COL4A1: variants seen among roughly 807,000 people sequenced by gnomAD.
COL4A1 encodes the protein collagen alpha-1(IV) chain.
A neutral mutation model predicts 216.6 loss-of-function variants in COL4A1; 40 were observed. That is an observed-to-expected ratio of 0.18 (90% CI 0.14 to 0.24). The LOEUF is 0.24. Among genes scored for constraint, COL4A1 ranks in the 10% least tolerant of loss-of-function variants. COL4A1 has a pLI of 1.00. For synonymous variants in COL4A1, 839 were observed against 810.7 expected (o/e 1.03, Z -0.59); for missense variants, 1,628 against 2,196.8 (o/e 0.74, Z 5.18).
At chr13:110,255,211 T>TC (rs1882454434) in intron 1 of COL4A1, among the ~76,000 whole-genome samples, 1 of 152,202 alleles carries the variant, frequency 6.6e-6, no homozygotes, top group South Asian at 2.1e-4. Flanking sequence ...CCAAGTGTTT[T>TC]CCACCTCATT....
At position 110,222,540 on chromosome 13, in the gene COL4A1, G is replaced by A. The variant is rs371214031; in HGVS notation, c.145-8525C>T. ...TGTAATCCTAGCACTTTGGGAGGCC[G>A]AGGCGGGTGGATCACGAGGTCAGGA... On this transcript the variant is annotated intron_variant, in intron 2 of 51. Coordinates refer to ENST00000375820, the MANE Select transcript of COL4A1 (RefSeq NM_001845.6). Among the ~76,000 whole-genome samples the A allele has an allele frequency of 3.0e-4, 45 of 150,670 alleles. 1 individual carries two copies. The highest frequency in any genetic ancestry group is 8.7e-4 in the African/African-American group (36 of 41,368).
At chr13:110,256,855 G>C (rs1001542886) in intron 1 of COL4A1, among the ~76,000 whole-genome samples, 1 of 152,018 alleles carries the variant, frequency 6.6e-6, no homozygotes, top group African/African-American at 2.4e-5. Flanking sequence ...GCATTCTATT[G>C]ATTAATTTAA....
chr13:110,211,558 G>A lies in COL4A1; in HGVS notation c.468+89C>T, dbSNP rs1306952427. The A allele has an allele frequency of 2.8e-5, 36 of 1,264,208 alleles. No homozygotes were observed. In the Admixed American group the frequency reaches 7.2e-4, roughly 25 times the overall value. 78.3% of individuals were successfully genotyped at this position (1,264,208 alleles called of 1,614,324 possible). A position where few individuals can be genotyped will look rare whatever the true frequency, so the allele number is the denominator to read the frequency against. On this transcript the variant is annotated intron_variant, in intron 8 of 51. Coordinates refer to ENST00000375820, the MANE Select transcript of COL4A1 (RefSeq NM_001845.6). The surrounding 1 kb of genome is among the most constrained non-coding windows in gnomAD (Gnocchi z 4.3). Reference sequence around the variant, plus strand: ...GTTCAGAAACAATCGATCAGCCAAAGTGGTTTAAAGAGAATGTGCTTCTAT... The same window carrying A: ...GTTCAGAAACAATCGATCAGCCAAAATGGTTTAAAGAGAATGTGCTTCTAT...
intron 1 of COL4A1, among the ~76,000 whole-genome samples, chr13:110,302,494 TGC>T (rs1414887142): frequency 6.6e-6 from 1 of 152,106 alleles, no homozygotes; most frequent in Non-Finnish European, 1.5e-5. Context: ...GAGCTGCCCC[TGC>T]AGCTCACCCA....
intron 34 of COL4A1, 49 bp downstream of exon 34, chr13:110,176,836 A>G: frequency 6.2e-7 from 1 of 1,614,116 alleles, no homozygotes; most frequent in South Asian, 1.1e-5. Context: ...AACCCAGGAA[A>G]GGCACATTGT....
intron 50 of COL4A1, among the ~76,000 whole-genome samples, chr13:110,154,799 ATG>A (rs2138420276): frequency 1.1e-5 from 1 of 88,486 alleles, no homozygotes; most frequent in East Asian, 3.8e-4. Flanking sequence ...CTGCTCAAAG[ATG>A]GAAGCTGGTC....
At chr13:110,170,156 CAT>C (rs1243115837) in intron 42 of COL4A1, among the ~76,000 whole-genome samples, 1 of 138,794 alleles carries the variant, frequency 7.2e-6, no homozygotes, top group Non-Finnish European at 1.6e-5. Context: ...GAAGGACAGA[CAT>C]AGAAATGCCA....
intron 17 of COL4A1, among the ~76,000 whole-genome samples, chr13:110,204,189 A>AGGTGATGT (rs1879381662): frequency 6.6e-6 from 1 of 152,146 alleles, no homozygotes; most frequent in African/African-American, 2.4e-5. Context: ...CATATCAAAT[A>AGGTGATGT]TTTTTATATA....
intron 1 of COL4A1, among the ~76,000 whole-genome samples, chr13:110,243,317 G>A (rs1881646476): frequency 6.6e-6 from 1 of 151,978 alleles, no homozygotes; most frequent in Admixed American, 6.5e-5. Flanking sequence ...TATTCTTGTA[G>A]TTCACTTTTT....
At chr13:110,284,374 T>C (rs1883757082) in intron 1 of COL4A1, among the ~76,000 whole-genome samples, 1 of 152,174 alleles carries the variant, frequency 6.6e-6, no homozygotes, top group African/African-American at 2.4e-5. Context: ...GGTGTTGATT[T>C]TGGGGGCTGG....
intron 46 of COL4A1, 114 bp from the exon 47 acceptor site, chr13:110,163,675 C>T: frequency 9.9e-7 from 1 of 1,009,048 alleles, no homozygotes; most frequent in Non-Finnish European, 1.5e-6. Flanking sequence ...AGTCTCACTG[C>T]AGATGAGAAC....
rs1420796574 is a variant in COL4A1, at chr13:110,288,274, A to AT, written c.84+18669_84+18670insA. Reference sequence around the variant, plus strand: ...CGAAACTCCCTCTCAAAAAAAAAAAAAATAATAATAATAATAATAATAATT... The same window carrying AT: ...CGAAACTCCCTCTCAAAAAAAAAAAATAATAATAATAATAATAATAATAATT... On this transcript the variant is annotated intron_variant, in intron 1 of 51. Transcript: ENST00000375820. Among the ~76,000 whole-genome samples, 1,345 of 139,440 alleles carry AT rather than the reference A, an allele frequency of 9.6e-3. 16 individuals carry two copies. Among genetic ancestry groups the AT allele is most frequent in the African/African-American group, 0.032 (1,166 of 36,740 alleles). 91.5% of individuals were successfully genotyped at this position (139,440 alleles called of 152,430 possible).
chr13:110,200,322 G>A (rs1333105382), intron 20 of COL4A1, among the ~76,000 whole-genome samples: 2 of 152,210 alleles, frequency 1.3e-5, no homozygotes, highest in African/African-American at 2.4e-5. Context: ...AGGTTGGCAC[G>A]TCTGGAGTGA....
chr13:110,173,158 A>G (rs1422623612), intron 40 of COL4A1, among the ~76,000 whole-genome samples: 2 of 152,182 alleles, frequency 1.3e-5, no homozygotes, highest in African/African-American at 4.8e-5. Context: ...TGCTGGGGAG[A>G]TGACAAACGT....
At chr13:110,209,251 G>T in intron 11 of COL4A1, 141 bp downstream of exon 11, 1 of 684,202 alleles carries the variant, frequency 1.5e-6, no homozygotes, top group Non-Finnish European at 2.6e-6. Flanking sequence ...ATATATGATA[G>T]ATACTTAAAG....
At chr13:110,256,949 A>C (rs1374363657) in intron 1 of COL4A1, among the ~76,000 whole-genome samples, 2 of 152,244 alleles carry the variant, frequency 1.3e-5, no homozygotes, top group African/African-American at 4.8e-5. Context: ...CAGACACCAG[A>C]CATGTCTTTA....
chr13:110,291,182 C>T (rs1348267768), intron 1 of COL4A1, among the ~76,000 whole-genome samples: 1 of 152,262 alleles, frequency 6.6e-6, no homozygotes, highest in Non-Finnish European at 1.5e-5. Flanking sequence ...AAAAAGTACA[C>T]CGATGCCAAG....
chr13:110,202,335 A>T (rs1232686486), intron 18 of COL4A1, among the ~76,000 whole-genome samples: 1 of 152,000 alleles, frequency 6.6e-6, no homozygotes, highest in Non-Finnish European at 1.5e-5. Flanking sequence ...ACTGGCCCTG[A>T]TTCTAAATTA....
intron 49 of COL4A1, 70 bp downstream of exon 49, chr13:110,161,122 C>T (rs1337144024): frequency 1.3e-6 from 2 of 1,504,966 alleles, no homozygotes; most frequent in Admixed American, 1.7e-5. Context: ...AAATAGAAAA[C>T]ATATGCTTGT....
Sources: allele counts gnomAD v4.1 joint callset (sites outside exome capture counted in the v4.1 genomes callset), GRCh38; gene constraint gnomAD v4.1.1; non-coding constraint Gnocchi (gnomAD v3.1); transcripts MANE v1.5; gene names NCBI Gene and HGNC (gene_info 2026-07-23, HGNC 2026-07-21).